Variants in C4orf50 observed in about 807,000 individuals in gnomAD.
C4orf50 encodes chromosome 4 open reading frame 50, also known as uncharacterized protein C4orf50.
C4orf50 carries 80 observed loss-of-function variants against 77.2 expected under a neutral mutation model. The observed-to-expected ratio is 1.04, with a 90% CI of 0.87 to 1.25. C4orf50 has a LOEUF of 1.25. Among genes scored for constraint, C4orf50 ranks in the 50% most tolerant of loss-of-function variants. The pLI is 0.00. For missense variants in C4orf50, 1,257 were observed against 1,152.9 expected (o/e 1.09, Z -1.31); for synonymous variants, 532 against 465.3 (o/e 1.14, Z -1.84).
In C4orf50 at chr4:5,980,196, A is replaced by AG; in HGVS notation, c.3841dup (p.Leu1281ProfsTer10). On this transcript the variant is annotated frameshift_variant, in exon 29 of 34. Coordinates refer to ENST00000531445, the Ensembl canonical transcript of C4orf50. LOFTEE classifies it high-confidence loss of function. ...CACCTTGGCCTGGAGCTCCTCCTGG[A>AG]GGCGGGTGGCCTCGTCCAGAGACGC... The AG allele has an allele frequency of 6.2e-7, 1 of 1,601,668 alleles. No homozygotes were observed. The highest frequency in any genetic ancestry group is 8.5e-7 in the Non-Finnish European group (1 of 1,173,926).
rs1285285948 is a variant in C4orf50 at position 5,932,882 on chromosome 4, G to A, written c.*2474+24019C>T. On this transcript the variant is annotated intron_variant, in intron 7 of 7. Transcript: ENST00000324058. This position sits in a 1 kb window ranked among gnomAD's most constrained non-coding sequence, Gnocchi z 4.2. ...TCACAAATTGTTACAGGGTTTAAATGAGATAGTGCATTTATAATGGTGGTG... is the reference window on the plus strand; with the variant it reads ...TCACAAATTGTTACAGGGTTTAAATAAGATAGTGCATTTATAATGGTGGTG... Among the ~76,000 whole-genome samples the A allele has an allele frequency of 1.3e-5, 2 of 152,234 alleles. No homozygotes were observed. The highest frequency in any genetic ancestry group is 4.8e-5 in the African/African-American group (2 of 41,468).
Position 5,919,439 on chromosome 4 carries a change from C to A in C4orf50, c.*2475-21251G>T, listed in dbSNP as rs966166129. On this transcript the variant is annotated intron_variant, in intron 7 of 7. Coordinates refer to the C4orf50 transcript ENST00000324058. This position sits in a 1 kb window ranked among gnomAD's most constrained non-coding sequence, Gnocchi z 6.5. ...GGGGCAGGTGGGGGTGGGGGGCACACCCTTTCCTAAAGGGGACTCACCTGC... is the reference window on the plus strand; with the variant it reads ...GGGGCAGGTGGGGGTGGGGGGCACAACCTTTCCTAAAGGGGACTCACCTGC... 6.6e-6 allele frequency among the ~76,000 whole-genome samples: 1 copy of A among 152,162 alleles called. No individual in the cohort carries two copies. Among genetic ancestry groups the A allele is most frequent in the African/African-American group, 2.4e-5 (1 of 41,458 alleles).
chr4:5,971,952 G>A (rs1719950353), intron 31 of C4orf50, among the ~76,000 whole-genome samples: 1 of 152,042 alleles, frequency 6.6e-6, no homozygotes, highest in Non-Finnish European at 1.5e-5. Context: ...GCCTTCCAGG[G>A]TGACACCTGC....
At chr4:6,013,422 G>A (rs1463352668) in intron 23 of C4orf50, among the ~76,000 whole-genome samples, 2 of 152,186 alleles carry the variant, frequency 1.3e-5, no homozygotes, top group African/African-American at 4.8e-5. Context: ...TATGAGAACA[G>A]TATTTAATTC....
chr4:6,018,287 C>T lies in C4orf50; in HGVS notation c.145G>A (p.Glu49Lys), dbSNP rs1404058630. 1 of 399,072 alleles carries T rather than the reference C, an allele frequency of 2.5e-6. No homozygotes were observed. The highest frequency in any genetic ancestry group is 4.4e-6 in the Non-Finnish European group (1 of 226,100). 24.7% of individuals were successfully genotyped at this position (399,072 alleles called of 1,614,324 possible). ...GCTTCTTCCTGAAGACATTCCCGCTCCTCAGCACTATCTTCCATGTCCTGG... is the reference window on the plus strand; with the variant it reads ...GCTTCTTCCTGAAGACATTCCCGCTTCTCAGCACTATCTTCCATGTCCTGG... The change falls in exon 23 of 34, where the codon GAG (glutamate) becomes AAG (lysine). Residue 49 changes from glutamate (E) to lysine (K), a missense_variant. Physicochemically the swap from Glu to Lys is moderately conservative, Grantham distance 56. Coordinates refer to ENST00000531445, the Ensembl canonical transcript of C4orf50. The surrounding 1 kb of genome is among the most constrained non-coding windows in gnomAD (Gnocchi z 5.1).
intron 7 of C4orf50, among the ~76,000 whole-genome samples, chr4:5,933,175 C>T (rs1181640849): frequency 6.6e-6 from 1 of 152,210 alleles, no homozygotes; most frequent in African/African-American, 2.4e-5. Flanking sequence ...GCCCTCGTCT[C>T]TCACAGAGGG....
exon 28 of C4orf50, chr4:5,990,170 G>T: frequency 8.0e-7 from 1 of 1,249,706 alleles, no homozygotes; most frequent in East Asian, 3.0e-5. Flanking sequence ...TGTAGAAGAG[G>T]CATCAAAAAC....
intron 7 of C4orf50, among the ~76,000 whole-genome samples, chr4:5,936,433 G>T (rs12640751): frequency 0.17 from 25,810 of 151,680 alleles, 2,372 homozygotes; most frequent in African/African-American, 0.22. Context: ...GTGGTGGCGG[G>T]CGCCTCTAAT....
chr4:5,987,277 G>A (rs1322284038), intron 28 of C4orf50, among the ~76,000 whole-genome samples: 5 of 151,568 alleles, frequency 3.3e-5, no homozygotes, highest in South Asian at 2.1e-4. Context: ...CGGGCATGGC[G>A]GCATGTGCCT....
chr4:5,911,148 A>T (rs1308439003), intron 7 of C4orf50, among the ~76,000 whole-genome samples: 3 of 152,008 alleles, frequency 2.0e-5, no homozygotes, highest in Non-Finnish European at 2.9e-5. Flanking sequence ...TGACCTCATG[A>T]TCCACCTGCC....
rs769910855 is a variant in C4orf50 at position 5,935,784 on chromosome 4, T to TAAAAAAAAAAAAAAAA, written c.*2474+21101_*2474+21116dup. On this transcript the variant is annotated intron_variant, in intron 7 of 7. Transcript: ENST00000324058. ...CTGGGCGACAGAGGGAGACTCCGTC[T>TAAAAAAAAAAAAAAAA]AAAAAAAAAAAAAAAAAAAAAAAAA... 9.5e-4 allele frequency among the ~76,000 whole-genome samples: 30 copies of TAAAAAAAAAAAAAAAA among 31,490 alleles called. 4 individuals are homozygous for TAAAAAAAAAAAAAAAA. Among genetic ancestry groups the TAAAAAAAAAAAAAAAA allele is most frequent in the African/African-American group, 2.1e-3 (27 of 12,582 alleles). 20.7% of individuals were successfully genotyped at this position (31,490 alleles called of 152,430 possible).
chr4:5,932,581 G>A lies in C4orf50; in HGVS notation c.*2474+24320C>T, dbSNP rs139912460. Among the ~76,000 whole-genome samples the A allele has an allele frequency of 5.6e-3, 856 of 152,288 alleles. 4 individuals carry two copies. The highest frequency in any genetic ancestry group is 8.8e-3 in the Non-Finnish European group (596 of 68,030). On this transcript the variant is annotated intron_variant, in intron 7 of 7. Coordinates refer to the C4orf50 transcript ENST00000324058. This position sits in a 1 kb window ranked among gnomAD's most constrained non-coding sequence, Gnocchi z 4.2. ...CTCCTGAGTAGCTGCAACTACAGGT[G>A]CATGCAACCACGCCCAGCTAATTTT...
In C4orf50 at chr4:5,958,685, T is replaced by C. The variant is rs1184329765; in HGVS notation, c.*690A>G. 6.6e-6 allele frequency: 1 copy of C among 152,202 alleles called. No individual in the cohort carries two copies. Among genetic ancestry groups the C allele is most frequent in the Non-Finnish European group, 1.5e-5 (1 of 68,070 alleles). The allele number at this position is 152,202 out of a possible 1,614,324, so 9.4% of individuals were successfully genotyped here. On this transcript the variant is annotated 3_prime_UTR_variant, in exon 34 of 34. Transcript: ENST00000531445. This position sits in a 1 kb window ranked among gnomAD's most constrained non-coding sequence, Gnocchi z 5.4. The stretch of plus-strand genomic sequence containing the variant: ...TCATGCCACATTGCCTGGCATCCAG[T>C]GGATATCAACAGACGTTTTTGGAGT...
rs957955150 is a variant in C4orf50, at chr4:5,904,825, T to C, written c.*2475-6637A>G. 3.9e-5 allele frequency: 6 copies of C among 152,194 alleles called. No individual in the cohort carries two copies. In the East Asian group the frequency reaches 7.7e-4, roughly 20 times the overall value. The allele number at this position is 152,194 out of a possible 1,614,324, so 9.4% of individuals were successfully genotyped here. A position where few individuals can be genotyped will look rare whatever the true frequency, so the allele number is the denominator to read the frequency against. ...AGCTCTATAATATCAAGATAACTAC[T>C]ACAGTGATTTTTTAAAACCATCATC... On this transcript the variant is annotated intron_variant, in intron 7 of 7. Coordinates refer to the C4orf50 transcript ENST00000324058.
At chr4:5,902,524 T>G (rs1716384547) in intron 7 of C4orf50, 1 of 152,222 alleles carries the variant, frequency 6.6e-6, no homozygotes, top group South Asian at 2.1e-4. Context: ...ACCTTACTTG[T>G]TAAGAAGTAG....
chr4:5,931,360 T>C (rs1717759900), intron 7 of C4orf50, among the ~76,000 whole-genome samples: 1 of 152,128 alleles, frequency 6.6e-6, no homozygotes, highest in Non-Finnish European at 1.5e-5. Flanking sequence ...GTTTCCCATG[T>C]AGAAGAACAC....
intron 25 of C4orf50, among the ~76,000 whole-genome samples, chr4:6,001,895 G>A (rs1721846010): frequency 6.6e-6 from 1 of 152,224 alleles, no homozygotes; most frequent in Admixed American, 6.5e-5. Context: ...GCCCTTGGGA[G>A]GCTCAGCCCA....
chr4:5,927,233 T>C (rs766462008), intron 7 of C4orf50, among the ~76,000 whole-genome samples: 1 of 152,234 alleles, frequency 6.6e-6, no homozygotes, highest in Non-Finnish European at 1.5e-5. Flanking sequence ...GCAGGTCTTA[T>C]GGCAACAGCT....
rs115305709 is a variant in C4orf50 at position 5,901,717 on chromosome 4, T to G, written c.*2475-3529A>C. On this transcript the variant is annotated intron_variant, in intron 7 of 7. Coordinates refer to the C4orf50 transcript ENST00000324058. This position sits in a 1 kb window ranked among gnomAD's most constrained non-coding sequence, Gnocchi z 4.4. ...GACTGTTCACCCCAGGAGTGCTCCA[T>G]TGGCCTTGCCCAGGGACCCTGGAAA... 1 of 152,404 alleles carries G rather than the reference T, an allele frequency of 6.6e-6. No individual in the cohort carries two copies. Among genetic ancestry groups the G allele is most frequent in the South Asian group, 2.1e-4 (1 of 4,826 alleles). The allele number at this position is 152,404 out of a possible 1,614,324, so 9.4% of individuals were successfully genotyped here. A position where few individuals can be genotyped will look rare whatever the true frequency, so the allele number is the denominator to read the frequency against.
Sources: gnomAD v4.1 joint callset for allele counts (sites outside exome capture counted in the v4.1 genomes callset) on GRCh38, gnomAD v4.1.1 for gene constraint, Gnocchi (gnomAD v3.1) non-coding constraint, MANE v1.5 for transcripts, NCBI Gene and HGNC (gene_info 2026-07-23, HGNC 2026-07-21) for gene names.